The following PDE4D variants were observed in gnomAD, a reference collection of about 807,000 sequenced individuals.
The protein encoded by PDE4D is phosphodiesterase 4D, also known as 3',5'-cyclic-AMP phosphodiesterase 4D.
Under a neutral mutation model 87.4 loss-of-function variants are expected in PDE4D, and 24 were observed. That is an observed-to-expected ratio of 0.27 (90% confidence interval 0.20 to 0.39). The LOEUF (loss-of-function observed/expected upper bound fraction) is 0.39, where lower values mean the gene tolerates loss of function less well. Ranked by LOEUF, PDE4D falls within the 10% of genes least tolerant of loss-of-function variation. The pLI, the probability that PDE4D is intolerant of heterozygous loss-of-function variation, is 1.00. For missense variants in PDE4D, 714 were observed against 1,041.0 expected (o/e 0.69, Z 4.32); for synonymous variants, 384 against 383.2 (o/e 1.00, Z -0.02).
intron 1 of PDE4D, among the ~76,000 whole-genome samples, chr5:59,594,292 T>TTTTATTTATTTA (rs142839056): frequency 7.5e-4 from 106 of 141,024 alleles, no homozygotes; most frequent in African/African-American, 1.3e-3. Context: ...AACTTTTTTA[T>TTTTATTTATTTA]TTTATTTATT....
intron 2 of PDE4D, among the ~76,000 whole-genome samples, chr5:60,013,374 CCA>C (rs1481020883): frequency 2.6e-5 from 4 of 152,184 alleles, no homozygotes; most frequent in Non-Finnish European, 5.9e-5. Context: ...TATGATAAAA[CCA>C]CAGTTAGTCC....
At chr5:59,117,605 T>C (rs1561514456) in intron 5 of PDE4D, among the ~76,000 whole-genome samples, 1 of 152,170 alleles carries the variant, frequency 6.6e-6, no homozygotes, top group South Asian at 2.1e-4. Context: ...TTGTAGTACT[T>C]ATATGACTTT....
chr5:60,111,515 A>C (rs182877877), intron 2 of PDE4D, among the ~76,000 whole-genome samples: 241 of 152,198 alleles, frequency 1.6e-3, no homozygotes, highest in Non-Finnish European at 2.7e-3. Flanking sequence ...TGTTGAAGAT[A>C]CACATTTATT....
intron 2 of PDE4D, among the ~76,000 whole-genome samples, chr5:59,210,691 C>G (rs552879203): frequency 6.6e-6 from 1 of 152,258 alleles, no homozygotes; most frequent in East Asian, 1.9e-4. Context: ...TCACCCCACC[C>G]CATATTCTGT....
chr5:59,951,140 T>C (rs1244063420), intron 3 of PDE4D, among the ~76,000 whole-genome samples: 1 of 152,134 alleles, frequency 6.6e-6, no homozygotes, highest in Non-Finnish European at 1.5e-5. Flanking sequence ...GCTTTTGTGA[T>C]AGATATTGAT....
intron 1 of PDE4D, among the ~76,000 whole-genome samples, chr5:59,360,889 T>C (rs1782100680): frequency 6.6e-6 from 1 of 152,166 alleles, no homozygotes; most frequent in Non-Finnish European, 1.5e-5. Context: ...ATTACTCATA[T>C]ATGACCCAGG....
intron 1 of PDE4D, among the ~76,000 whole-genome samples, chr5:59,802,337 C>T (rs974805546): frequency 6.6e-6 from 1 of 151,594 alleles, no homozygotes; most frequent in African/African-American, 2.4e-5. Flanking sequence ...GAAAGTAATG[C>T]CCTTTTTGGG....
chr5:59,704,127 T>A (rs139958004), intron 1 of PDE4D, among the ~76,000 whole-genome samples: 12 of 152,328 alleles, frequency 7.9e-5, no homozygotes, highest in African/African-American at 2.9e-4. Context: ...GAACATTTAC[T>A]CATTGTCAAC....
intron 5 of PDE4D, among the ~76,000 whole-genome samples, chr5:59,135,828 G>T (rs879569419): frequency 2.6e-5 from 4 of 152,034 alleles, no homozygotes; most frequent in Admixed American, 2.6e-4. Context: ...AGCATGAGGA[G>T]GAATGAAAAG....
At chr5:60,105,788 A>C (rs979899005) in intron 2 of PDE4D, among the ~76,000 whole-genome samples, 2 of 152,130 alleles carry the variant, frequency 1.3e-5, no homozygotes, top group Non-Finnish European at 2.9e-5. Flanking sequence ...GGAGAAATAA[A>C]ATCCTTTACA....
rs552265819 is a variant in PDE4D at position 59,482,904 on chromosome 5, A to G, written c.456-266936T>C. ...TCACTGGGTGCCCAGATATTTAATT[A>G]ACATCATCTGGGGTATGTGTGTGAG... On this transcript the variant is annotated intron_variant, in intron 1 of 14. Coordinates refer to ENST00000340635, the MANE Select transcript of PDE4D (RefSeq NM_001104631.2). Among the ~76,000 whole-genome samples, 16 of 152,302 alleles carry G rather than the reference A, an allele frequency of 1.1e-4. No homozygotes were observed. In the South Asian group the frequency reaches 3.3e-3, roughly 32 times the overall value.
At chr5:59,594,926 TACC>T (rs1826456210) in intron 1 of PDE4D, among the ~76,000 whole-genome samples, 1 of 152,158 alleles carries the variant, frequency 6.6e-6, no homozygotes, top group African/African-American at 2.4e-5. Flanking sequence ...AAAAAAAATG[TACC>T]ACTTTTGTGG....
chr5:59,928,914 T>C (rs146395352), intron 3 of PDE4D, among the ~76,000 whole-genome samples: 25 of 150,470 alleles, frequency 1.7e-4, no homozygotes, highest in African/African-American at 6.1e-4. Context: ...TTAGATCATA[T>C]ATATATCCCT....
intron 1 of PDE4D, among the ~76,000 whole-genome samples, chr5:60,235,040 T>C (rs1328336491): frequency 2.0e-5 from 3 of 151,870 alleles, no homozygotes; most frequent in African/African-American, 7.2e-5. Flanking sequence ...CTTAAAGTCA[T>C]AGCCATAAAG....
In PDE4D at chr5:58,973,266, A is replaced by C. The variant is rs1742933205; in HGVS notation, c.*1398T>G. The stretch of plus-strand genomic sequence containing the variant: ...ATATACAACCTCGTGGTTGAAATGA[A>C]TGTTAACCCTAACTTAACTACCTGT... On this transcript the variant is annotated 3_prime_UTR_variant, in exon 15 of 15. Coordinates refer to ENST00000340635, the MANE Select transcript of PDE4D (RefSeq NM_001104631.2). The C allele has an allele frequency of 6.6e-6, 1 of 152,242 alleles. No homozygotes were observed. The highest frequency in any genetic ancestry group is 1.5e-5 in the Non-Finnish European group (1 of 68,026). The allele number at this position is 152,242 out of a possible 1,614,324, so 9.4% of individuals were successfully genotyped here.
chr5:59,619,259 G>A (rs1360097316), intron 1 of PDE4D, among the ~76,000 whole-genome samples: 1 of 152,166 alleles, frequency 6.6e-6, no homozygotes, highest in Non-Finnish European at 1.5e-5. Context: ...GATTGGATGA[G>A]ATGGGAAGGG....
intron 1 of PDE4D, among the ~76,000 whole-genome samples, chr5:60,476,797 C>T (rs987454039): frequency 3.9e-5 from 6 of 152,278 alleles, no homozygotes; most frequent in East Asian, 3.9e-4. Context: ...AAAGCACCTC[C>T]GCCATCATTC....
At chr5:59,529,493 A>C (rs530123294) in intron 1 of PDE4D, among the ~76,000 whole-genome samples, 1 of 152,088 alleles carries the variant, frequency 6.6e-6, no homozygotes, top group African/African-American at 2.4e-5. Flanking sequence ...GATGTGCAGC[A>C]ATAGGGGCAC....
intron 1 of PDE4D, among the ~76,000 whole-genome samples, chr5:60,258,721 C>A (rs186617284): frequency 1.0e-3 from 152 of 151,796 alleles, no homozygotes; most frequent in Non-Finnish European, 1.8e-3. Context: ...GGAAACCATG[C>A]AGAAACAATT....
Sources: allele counts gnomAD v4.1 joint callset (sites outside exome capture counted in the v4.1 genomes callset), GRCh38; gene constraint gnomAD v4.1.1; transcripts MANE v1.5; gene names NCBI Gene and HGNC (gene_info 2026-07-23, HGNC 2026-07-21).